FRRS1: variants seen among roughly 807,000 people sequenced by gnomAD.
FRRS1 encodes ferric reductase 1.
A neutral mutation model predicts 70.7 loss-of-function variants in FRRS1; 51 were observed. That is an observed-to-expected ratio of 0.72 (90% CI 0.58 to 0.91). The LOEUF is 0.91. Among genes scored for constraint, FRRS1 ranks in the 40% least tolerant of loss-of-function variants. FRRS1 has a pLI of 0.00. For synonymous variants in FRRS1, 225 were observed against 238.7 expected (o/e 0.94, Z 0.53); for missense variants, 672 against 726.0 (o/e 0.93, Z 0.86).
In FRRS1 at chr1:99,715,646, TGTG is replaced by T; in HGVS notation, c.1260_1262del (p.Thr422del). 6.2e-7 allele frequency: 1 copy of T among 1,613,440 alleles called. No homozygotes were observed. The stretch of plus-strand genomic sequence containing the variant: ...CAAAAGCAATGCAGGTGAGGACAGT[TGTG>T]GTGAACATGAGCATCCGATGCACCT... On this transcript the variant is annotated inframe_deletion, in exon 12 of 17. Transcript: ENST00000646001.
intron 1 of FRRS1, among the ~76,000 whole-genome samples, chr1:99,761,664 C>CT (rs2101006453): frequency 6.6e-6 from 1 of 152,192 alleles, no homozygotes; most frequent in South Asian, 2.1e-4. Context: ...TATTAAGTGC[C>CT]TGCTCTATTC....
intron 1 of FRRS1, among the ~76,000 whole-genome samples, chr1:99,763,757 A>G (rs1270850012): frequency 6.6e-6 from 1 of 151,676 alleles, no homozygotes; most frequent in East Asian, 1.9e-4. Flanking sequence ...AATCCCAGCT[A>G]CTCGGGAGGC....
rs1451190749 is a variant in FRRS1 at position 99,719,578 on chromosome 1, T to C, written c.1076A>G (p.Lys359Arg). 1.2e-6 allele frequency: 2 copies of C among 1,611,228 alleles called. No individual in the cohort carries two copies. Among genetic ancestry groups the C allele is most frequent in the African/African-American group, 2.7e-5 (2 of 74,858 alleles). ...TACAGAATGGGATCCTCCTATGTTC[T>C]TTGGAGAGTCTGTCACATCATATTT... ...YEKYDVTDSP[K>R]NIGGSHSVLL... Residue 359 changes from lysine (K) to arginine (R), a missense_variant, in exon 10 of 17, where the codon AAG (lysine) becomes AGG (arginine). Lys to Arg is a conservative substitution (Grantham distance 26). Coordinates refer to ENST00000646001, the MANE Select transcript of FRRS1 (RefSeq NM_001361041.2).
Position 99,704,940 on chromosome 1 carries a change from C to G in FRRS1, c.*4088G>C, listed in dbSNP as rs1282155794. 6.6e-6 allele frequency among the ~76,000 whole-genome samples: 1 copy of G among 152,148 alleles called. No homozygotes were observed. Among genetic ancestry groups the G allele is most frequent in the Non-Finnish European group, 1.5e-5 (1 of 68,030 alleles). On this transcript the variant is annotated 3_prime_UTR_variant, in exon 17 of 17. Coordinates refer to ENST00000646001, the MANE Select transcript of FRRS1 (RefSeq NM_001361041.2). ...CTTCTACTCAGTAAAACCTTGCACT[C>G]GTTCTTCAAGCCCAGGTGTGATCCG...
At chr1:99,718,255 A>G (rs1349423987) in intron 10 of FRRS1, among the ~76,000 whole-genome samples, 4 of 152,214 alleles carry the variant, frequency 2.6e-5, no homozygotes, top group Non-Finnish European at 5.9e-5. Flanking sequence ...CTTTTTAACT[A>G]TAAGCCAGGC....
rs1275719921 is a variant in FRRS1 at position 99,705,042 on chromosome 1, T to C, written c.*3986A>G. Among the ~76,000 whole-genome samples the C allele has an allele frequency of 6.6e-6, 1 of 152,190 alleles. No homozygotes were observed. The highest frequency in any genetic ancestry group is 1.5e-5 in the Non-Finnish European group (1 of 68,020). On this transcript the variant is annotated 3_prime_UTR_variant, in exon 17 of 17. Transcript: ENST00000646001. ...CCTTGCAATAAGGCAGGGGTCTAATTGAGCTAACACAAGCTAACTATGGAC... is the reference window on the plus strand; with the variant it reads ...CCTTGCAATAAGGCAGGGGTCTAATCGAGCTAACACAAGCTAACTATGGAC...
chr1:99,732,761 A>T (rs1223147820), intron 7 of FRRS1, among the ~76,000 whole-genome samples: 1 of 152,140 alleles, frequency 6.6e-6, no homozygotes, highest in Non-Finnish European at 1.5e-5. Context: ...TGCTTTAAGA[A>T]AAGAACAGTT....
chr1:99,724,561 T>C (rs1654989426), intron 9 of FRRS1, among the ~76,000 whole-genome samples: 1 of 152,234 alleles, frequency 6.6e-6, no homozygotes, highest in Non-Finnish European at 1.5e-5. Context: ...GATTATATGA[T>C]AGCTTTGAAA....
chr1:99,740,715 T>G, intron 6 of FRRS1, 78 bp downstream of exon 6: 3 of 963,502 alleles, frequency 3.1e-6, no homozygotes, highest in Non-Finnish European at 5.0e-6. Flanking sequence ...GAGGATCACT[T>G]GAGCTCAGGA....
intron 7 of FRRS1, among the ~76,000 whole-genome samples, chr1:99,735,794 A>C (rs773890922): frequency 3.4e-4 from 52 of 152,200 alleles, no homozygotes; most frequent in Non-Finnish European, 6.2e-4. Flanking sequence ...GAACAGAATA[A>C]CTGACCTACC....
intron 13 of FRRS1, 26 bp downstream of exon 13, chr1:99,712,392 C>A: frequency 7.0e-7 from 1 of 1,434,296 alleles, no homozygotes; most frequent in Non-Finnish European, 9.7e-7. Flanking sequence ...ATTAAGAGAG[C>A]ATTTATATAG....
chr1:99,750,381 A>G (rs1250443660), intron 1 of FRRS1, among the ~76,000 whole-genome samples: 3 of 152,340 alleles, frequency 2.0e-5, no homozygotes, highest in African/African-American at 7.2e-5. Context: ...AGAGAACACA[A>G]TTTGAAGAAA....
chr1:99,748,716 C>G lies in FRRS1; in HGVS notation c.53G>C (p.Ser18Thr). 6.2e-7 allele frequency: 1 copy of G among 1,614,062 alleles called. No individual in the cohort carries two copies. Among genetic ancestry groups the G allele is most frequent in the South Asian group, 1.1e-5 (1 of 91,082 alleles). ...TCCATTGGGATAATTAGCCACATAA[C>G]TAATGTGCAACAGAAGTATGCAGGT... ...LGTCILLLHI[S>T]YVANYPNGKV... Residue 18 changes from serine (S) to threonine (T), a missense_variant, in exon 3 of 17, where the codon AGT (serine) becomes ACT (threonine). Transcript: ENST00000646001.
rs1377215112 is a variant in FRRS1 at position 99,708,303 on chromosome 1, A to C, written c.*725T>G. On this transcript the variant is annotated 3_prime_UTR_variant, in exon 17 of 17. Transcript: ENST00000646001. ...GTACCACAGCACCTTTGTAGTTCAAAATATATTTACCATAGGCTGGGCGTG... is the reference window on the plus strand; with the variant it reads ...GTACCACAGCACCTTTGTAGTTCAACATATATTTACCATAGGCTGGGCGTG... Among the ~76,000 whole-genome samples, 1 of 152,114 alleles carries C rather than the reference A, an allele frequency of 6.6e-6. No homozygotes were observed. The highest frequency in any genetic ancestry group is 1.5e-5 in the Non-Finnish European group (1 of 68,020).
chr1:99,712,785 T>C (rs561620961), intron 12 of FRRS1, among the ~76,000 whole-genome samples: 1 of 152,298 alleles, frequency 6.6e-6, no homozygotes, highest in African/African-American at 2.4e-5. Flanking sequence ...GGCTCAGAGA[T>C]ATCAAGAACT....
intron 7 of FRRS1, among the ~76,000 whole-genome samples, chr1:99,731,606 G>A (rs953276482): frequency 6.6e-6 from 1 of 152,156 alleles, no homozygotes; most frequent in Non-Finnish European, 1.5e-5. Flanking sequence ...ACATACTTAG[G>A]TGGTGAAAAG....
intron 7 of FRRS1, 93 bp from the exon 8 acceptor site, chr1:99,729,841 T>C (rs1655258298): frequency 1.6e-5 from 12 of 734,472 alleles, no homozygotes; most frequent in East Asian, 2.7e-5. Context: ...AACCAAATAT[T>C]ATGTGATGCT....
At chr1:99,730,683 T>C (rs189210853) in intron 7 of FRRS1, among the ~76,000 whole-genome samples, 4,454 of 152,138 alleles carry the variant, frequency 0.029, 92 homozygotes, top group Middle Eastern at 0.054. Flanking sequence ...CTGGCTAACA[T>C]GGTGAAACCC....
intron 9 of FRRS1, 82 bp downstream of exon 9, chr1:99,728,411 A>G: frequency 2.6e-6 from 3 of 1,160,946 alleles, no homozygotes; most frequent in South Asian, 3.2e-5. Flanking sequence ...GGGCAATTAC[A>G]GTAGTTTTTC....
Sources: gnomAD v4.1 joint callset for allele counts (sites outside exome capture counted in the v4.1 genomes callset) on GRCh38, gnomAD v4.1.1 for gene constraint, MANE v1.5 for transcripts, NCBI Gene and HGNC (gene_info 2026-07-23, HGNC 2026-07-21) for gene names.